Variants in ALK observed in about 807,000 individuals in gnomAD.
ALK encodes ALK receptor tyrosine kinase.
In ALK, 74 loss-of-function variants were observed where a neutral mutation model predicts 163.1. The observed-to-expected ratio is 0.45, with a 90% CI of 0.38 to 0.55. The LOEUF (loss-of-function observed/expected upper bound fraction) is 0.55. ALK is among the 20% of genes least tolerant of loss of function. The probability of loss-of-function intolerance (pLI) is 0.00; values close to 1 mark genes in which losing one functional copy is unlikely to be tolerated. For missense variants in ALK, 2,063 were observed against 2,105.3 expected, an observed-to-expected ratio of 0.98 and a Z score of 0.39; for synonymous variants, 960 against 843.2, an observed-to-expected ratio of 1.14 and a Z score of -2.40.
chr2:29,361,924 T>G (rs1194361990), intron 5 of ALK, among the ~76,000 whole-genome samples: 1 of 152,210 alleles, frequency 6.6e-6, no homozygotes, highest in Non-Finnish European at 1.5e-5. Flanking sequence ...TAGCCCATCC[T>G]TTTTCATCAC....
At chr2:29,437,177 C>A (rs571070887) in intron 4 of ALK, among the ~76,000 whole-genome samples, 46 of 152,258 alleles carry the variant, frequency 3.0e-4, no homozygotes, top group African/African-American at 1.0e-3. Flanking sequence ...TACAGCCTCC[C>A]AACTTCTTTC....
chr2:29,703,416 G>C (rs1292189147), intron 2 of ALK, among the ~76,000 whole-genome samples: 1 of 152,180 alleles, frequency 6.6e-6, no homozygotes, highest in East Asian at 1.9e-4. Context: ...CACAAGACTT[G>C]AGATTTGACT....
In ALK at chr2:29,544,109, T is replaced by C. The variant is rs1332711033; in HGVS notation, c.953-11993A>G. Reference sequence around the variant, plus strand: ...TTTCAGTTGATCACAATGCCACTCATGTTAGGTGGGAACTAAGGAAAAGCA... The same window carrying C: ...TTTCAGTTGATCACAATGCCACTCACGTTAGGTGGGAACTAAGGAAAAGCA... On this transcript the variant is annotated intron_variant, in intron 3 of 28. Coordinates refer to ENST00000389048, the MANE Select transcript of ALK (RefSeq NM_004304.5). 9.8e-5 allele frequency among the ~76,000 whole-genome samples: 15 copies of C among 152,306 alleles called. No homozygotes were observed. In the East Asian group the frequency reaches 2.7e-3, roughly 27 times the overall value.
At chr2:29,435,061 A>C (rs962351967) in intron 4 of ALK, among the ~76,000 whole-genome samples, 1 of 152,188 alleles carries the variant, frequency 6.6e-6, no homozygotes, top group African/African-American at 2.4e-5. Context: ...CAGCTGACCC[A>C]TATCAAGCAA....
At chr2:29,235,930 A>G (rs1573144409) in intron 13 of ALK, among the ~76,000 whole-genome samples, 1 of 118,464 alleles carries the variant, frequency 8.4e-6, no homozygotes, top group Non-Finnish European at 1.6e-5. Flanking sequence ...CTGGTCTCTG[A>G]CTCCTGGCTT....
At chr2:29,422,863 T>C (rs1487078763) in intron 4 of ALK, among the ~76,000 whole-genome samples, 1 of 152,014 alleles carries the variant, frequency 6.6e-6, no homozygotes, top group Non-Finnish European at 1.5e-5. Context: ...TGAGGAACAG[T>C]GCCTGAGTCT....
At chr2:29,333,669 G>A (rs952812638) in intron 5 of ALK, among the ~76,000 whole-genome samples, 7 of 152,152 alleles carry the variant, frequency 4.6e-5, no homozygotes, top group Non-Finnish European at 8.8e-5. Context: ...AGGTTGGAGC[G>A]TCATGGCGCA....
intron 3 of ALK, among the ~76,000 whole-genome samples, chr2:29,621,165 T>A (rs1198550460): frequency 6.6e-6 from 1 of 152,140 alleles, no homozygotes; most frequent in Non-Finnish European, 1.5e-5. Context: ...TAATTTTTCA[T>A]GCATAAATGT....
At chr2:29,681,115 A>G (rs1678053815) in intron 3 of ALK, 1 of 152,078 alleles carries the variant, frequency 6.6e-6, no homozygotes, top group South Asian at 2.1e-4. Context: ...AGTAGTTTTG[A>G]CCTGCTTTGT....
At chr2:29,766,818 C>G (rs185013231) in intron 1 of ALK, among the ~76,000 whole-genome samples, 1 of 152,278 alleles carries the variant, frequency 6.6e-6, no homozygotes, top group East Asian at 1.9e-4. Flanking sequence ...GAAAGTGTCC[C>G]TGACAGACCT....
chr2:29,496,911 C>A lies in ALK; in HGVS notation c.1154+35004G>T, dbSNP rs577551394. Among the ~76,000 whole-genome samples, 225 of 152,304 alleles carry A rather than the reference C, an allele frequency of 1.5e-3. 3 individuals are homozygous for A. In the South Asian group the frequency reaches 0.032, roughly 21 times the overall value. ...TTGTAAGGATTTCAGGATAGTGAAT[C>A]CACAGCACCTGGAACAATGACCACA... On this transcript the variant is annotated intron_variant, in intron 4 of 28. Coordinates refer to ENST00000389048, the MANE Select transcript of ALK (RefSeq NM_004304.5).
At position 29,497,383 on chromosome 2, in the gene ALK, C is replaced by T. The variant is rs561909283; in HGVS notation, c.1154+34532G>A. On this transcript the variant is annotated intron_variant, in intron 4 of 28. Transcript: ENST00000389048. ...CACTCCCTTGGTTGGCAATACCTGG[C>T]TCCCTCCCTACCACCGGCCTATGCT... is the stretch of plus-strand genomic sequence containing the variant. Among the ~76,000 whole-genome samples, 3 of 152,252 alleles carry T rather than the reference C, an allele frequency of 2.0e-5. No individual in the cohort carries two copies. The East Asian group carries it at 5.8e-4, about 29-fold the overall frequency.
chr2:29,610,721 T>C (rs145893459), intron 3 of ALK, among the ~76,000 whole-genome samples: 2 of 152,296 alleles, frequency 1.3e-5, no homozygotes, highest in Non-Finnish European at 2.9e-5. Flanking sequence ...CAAATGTTAC[T>C]CTGTATCTCA....
chr2:29,738,119 T>C (rs1450065546), intron 1 of ALK, among the ~76,000 whole-genome samples: 1 of 151,932 alleles, frequency 6.6e-6, no homozygotes, highest in East Asian at 1.9e-4. Flanking sequence ...GTCAGGAAGA[T>C]CATGTTATAT....
rs938668024 is a variant in ALK, at chr2:29,227,196, G to A, written c.2915-122C>T. 3.0e-5 allele frequency: 37 copies of A among 1,251,288 alleles called. No individual in the cohort carries two copies. The South Asian group carries it at 4.1e-4, about 14-fold the overall frequency. 77.5% of individuals were successfully genotyped at this position (1,251,288 alleles called of 1,614,324 possible). A position where few individuals can be genotyped will look rare whatever the true frequency, so the allele number is the denominator to read the frequency against. ...GTGGTCCCTGTTCCTAGGTCCCATAGCCACTGGAAGCACAACTGTGTAGAA... is the reference window on the plus strand; with the variant it reads ...GTGGTCCCTGTTCCTAGGTCCCATAACCACTGGAAGCACAACTGTGTAGAA... On this transcript the variant is annotated intron_variant, in intron 17 of 28. Coordinates refer to ENST00000389048, the MANE Select transcript of ALK (RefSeq NM_004304.5). The surrounding 1 kb of genome is among the most constrained non-coding windows in gnomAD (Gnocchi z 4.4).
chr2:29,505,275 G>A lies in ALK; in HGVS notation c.1154+26640C>T, dbSNP rs1053883004. ...CCACACAGCCCCCAGCATGCCTCTG[G>A]GGGAGGGGAAGGGGGTCCAGGGACC... On this transcript the variant is annotated intron_variant, in intron 4 of 28. Coordinates refer to ENST00000389048, the MANE Select transcript of ALK (RefSeq NM_004304.5). Among the ~76,000 whole-genome samples the A allele has an allele frequency of 2.6e-5, 4 of 152,266 alleles. No homozygotes were observed. In the South Asian group the frequency reaches 8.3e-4, roughly 32 times the overall value.
chr2:29,268,725 AT>A (rs1665302731), intron 11 of ALK, among the ~76,000 whole-genome samples: 1 of 152,190 alleles, frequency 6.6e-6, no homozygotes, highest in African/African-American at 2.4e-5. Context: ...ATTGGGCAGT[AT>A]TTAGTATTGT....
rs2148152189 is a variant in ALK at position 29,207,253 on chromosome 2, C to T, written c.3856G>A (p.Gly1286Arg). The change falls in exon 26 of 29, where the codon GGA becomes AGA. Residue 1286 changes from glycine to arginine, a missense_variant. Gly to Arg is a moderately radical substitution (Grantham distance 125, BLOSUM62 -2). Coordinates refer to ENST00000389048, the MANE Select transcript of ALK (RefSeq NM_004304.5). ...DIYRASYYRK[G>R]GCAMLPVKWM... is the part of the protein sequence containing the mutation. ...TTAACTGGCAGCATGGCACAGCCTC[C>T]CTTTCTATAGTAGCTCGCCCTGTGG... The T allele has an allele frequency of 1.2e-6, 2 of 1,614,132 alleles. No homozygotes were observed. Among genetic ancestry groups the T allele is most frequent in the Non-Finnish European group, 1.7e-6 (2 of 1,179,992 alleles).
intron 4 of ALK, among the ~76,000 whole-genome samples, chr2:29,490,169 T>C (rs1184250901): frequency 6.6e-6 from 1 of 152,218 alleles, no homozygotes; most frequent in Non-Finnish European, 1.5e-5. Flanking sequence ...CTTCTGAAAT[T>C]GTCCGTGCCA....
Sources: allele counts gnomAD v4.1 joint callset (sites outside exome capture counted in the v4.1 genomes callset), GRCh38; gene constraint gnomAD v4.1.1; non-coding constraint Gnocchi (gnomAD v3.1); transcripts MANE v1.5; gene names NCBI Gene and HGNC (gene_info 2026-07-23, HGNC 2026-07-21).